CD44: variants seen among roughly 807,000 people sequenced by gnomAD.
CD44 encodes CD44 antigen.
CD44 carries 49 observed loss-of-function variants against 88.8 expected under a neutral mutation model. That is an observed-to-expected ratio of 0.55 (90% CI 0.44 to 0.70). The LOEUF (loss-of-function observed/expected upper bound fraction) is 0.70. Among genes scored for constraint, CD44 ranks in the 30% least tolerant of loss-of-function variants. The pLI is 0.00. For synonymous variants in CD44, 325 were observed against 312.3 expected (o/e 1.04, Z -0.43); for missense variants, 883 against 913.8 (o/e 0.97, Z 0.43).
chr11:35,209,844 C>T (rs549583828), intron 12 of CD44, 121 bp from the exon 13 acceptor site: 1 of 638,744 alleles, frequency 1.6e-6, no homozygotes, highest in East Asian at 3.0e-5. Flanking sequence ...GTGCACAAAC[C>T]TTGGTCTTCC....
At chr11:35,186,620 C>T (rs988908863) in intron 3 of CD44, among the ~76,000 whole-genome samples, 4 of 152,084 alleles carry the variant, frequency 2.6e-5, no homozygotes, top group Admixed American at 2.0e-4. Flanking sequence ...TTTCCGGAAA[C>T]TTCATAAGTT....
intron 17 of CD44, 82 bp from the exon 18 acceptor site, chr11:35,229,047 A>G (rs1949918053): frequency 2.6e-6 from 3 of 1,132,814 alleles, no homozygotes; most frequent in Non-Finnish European, 3.9e-6. Flanking sequence ...GTGATCATCA[A>G]TGATGGTGCT....
intron 1 of CD44, among the ~76,000 whole-genome samples, chr11:35,153,199 C>T (rs537470271): frequency 3.9e-5 from 6 of 152,146 alleles, no homozygotes; most frequent in East Asian, 3.9e-4. Context: ...TCCTTTGAGA[C>T]GATAAAGGAG....
intron 4 of CD44, 48 bp downstream of exon 4, chr11:35,186,948 G>A: frequency 9.1e-7 from 1 of 1,096,118 alleles, no homozygotes; most frequent in Non-Finnish European, 1.4e-6. Flanking sequence ...TTTGGGGAAA[G>A]GGCTCAGGTG....
intron 1 of CD44, among the ~76,000 whole-genome samples, chr11:35,142,427 G>A (rs12272373): frequency 0.019 from 2,875 of 152,270 alleles, 106 homozygotes; most frequent in African/African-American, 0.065. Flanking sequence ...GATAGACTGG[G>A]TGAGGGGATC....
intron 17 of CD44, chr11:35,222,277 G>C (rs1949362567): frequency 3.7e-6 from 2 of 541,336 alleles, no homozygotes; most frequent in African/African-American, 4.0e-5. Context: ...TATTGGCCTT[G>C]TGCTTTTGTT....
chr11:35,174,997 G>A (rs961307079), intron 1 of CD44, among the ~76,000 whole-genome samples: 1 of 152,200 alleles, frequency 6.6e-6, no homozygotes, highest in African/African-American at 2.4e-5. Context: ...ATGAGTTGAG[G>A]GAGAGACTGG....
intron 15 of CD44, chr11:35,218,939 C>A (rs1949066182): frequency 1.0e-5 from 2 of 197,808 alleles, no homozygotes; most frequent in African/African-American, 2.3e-5. Flanking sequence ...CTGTTATCCC[C>A]ATCTTACGAG....
At chr11:35,174,839 T>C (rs890345313) in intron 1 of CD44, among the ~76,000 whole-genome samples, 1 of 152,210 alleles carries the variant, frequency 6.6e-6, no homozygotes, top group Non-Finnish European at 1.5e-5. Flanking sequence ...CTACTTTCTA[T>C]TGGGTACTGT....
At chr11:35,211,516 C>T in intron 14 of CD44, 67 bp downstream of exon 14, 1 of 1,185,852 alleles carries the variant, frequency 8.4e-7, no homozygotes, top group South Asian at 1.3e-5. Context: ...TTTCATATTA[C>T]AGAGGACATT....
intron 1 of CD44, among the ~76,000 whole-genome samples, chr11:35,163,203 A>G (rs569928969): frequency 3.9e-5 from 6 of 152,246 alleles, no homozygotes; most frequent in South Asian, 2.1e-4. Context: ...GGTAAATTGT[A>G]AGTAAGAGCT....
chr11:35,171,686 C>T (rs1448796842), intron 1 of CD44, among the ~76,000 whole-genome samples: 1 of 152,222 alleles, frequency 6.6e-6, no homozygotes, highest in Non-Finnish European at 1.5e-5. Flanking sequence ...AGCACCATCA[C>T]ATTCAAGATA....
At chr11:35,188,029 A>T (rs1565094663) in intron 4 of CD44, among the ~76,000 whole-genome samples, 1 of 152,160 alleles carries the variant, frequency 6.6e-6, no homozygotes, top group Non-Finnish European at 1.5e-5. Context: ...AGAAATCAGA[A>T]AATCTCAACC....
chr11:35,142,219 TC>T (rs961128966), intron 1 of CD44, among the ~76,000 whole-genome samples: 6 of 151,798 alleles, frequency 4.0e-5, no homozygotes, highest in Non-Finnish European at 7.4e-5. Flanking sequence ...GTTTTAGGGT[TC>T]AACCATTGTG....
At chr11:35,227,299 C>T (rs1008782393) in intron 17 of CD44, among the ~76,000 whole-genome samples, 1 of 152,206 alleles carries the variant, frequency 6.6e-6, no homozygotes, top group Non-Finnish European at 1.5e-5. Flanking sequence ...AATTCTCCCA[C>T]CTCAGCCCCC....
chr11:35,205,880 A>G (rs1449088676), intron 10 of CD44: 6 of 1,163,972 alleles, frequency 5.2e-6, no homozygotes, highest in African/African-American at 1.6e-5. Flanking sequence ...GGAGTTGTTA[A>G]TGCTTTTGTG....
intron 1 of CD44, among the ~76,000 whole-genome samples, chr11:35,155,730 G>A (rs545536729): frequency 2.6e-5 from 4 of 152,102 alleles, no homozygotes; most frequent in Admixed American, 1.3e-4. Flanking sequence ...CATGAGGACC[G>A]CTGCTCTAGA....
chr11:35,226,304 C>T (rs1949684724), intron 17 of CD44, among the ~76,000 whole-genome samples: 1 of 152,208 alleles, frequency 6.6e-6, no homozygotes, highest in African/African-American at 2.4e-5. Context: ...TTTTTATGCT[C>T]ATAAATCACT....
rs777410800 is a variant in CD44 at position 35,201,836 on chromosome 11, A to G, written c.1153+49A>G. On this transcript the variant is annotated intron_variant, in intron 9 of 17. Coordinates refer to ENST00000428726, the MANE Select transcript of CD44 (RefSeq NM_000610.4). ...TTCTGGGTTAGATGAATTAGTAAAGACATTCCAGCAATAGGGAAGATTTTG... is the reference window on the plus strand; with the variant it reads ...TTCTGGGTTAGATGAATTAGTAAAGGCATTCCAGCAATAGGGAAGATTTTG... 11 of 1,585,582 alleles carry G rather than the reference A, an allele frequency of 6.9e-6. No individual in the cohort carries two copies. In the East Asian group the frequency reaches 2.3e-4, roughly 33 times the overall value.
Sources: allele counts gnomAD v4.1 joint callset (sites outside exome capture counted in the v4.1 genomes callset), GRCh38; gene constraint gnomAD v4.1.1; transcripts MANE v1.5; gene names NCBI Gene and HGNC (gene_info 2026-07-23, HGNC 2026-07-21).